SORCS3: variants seen among roughly 807,000 people sequenced by gnomAD.
SORCS3 encodes VPS10 domain-containing receptor SorCS3.
A neutral mutation model predicts 146.3 loss-of-function variants in SORCS3; 57 were observed. The ratio of observed to expected loss-of-function variants is 0.39; its 90% CI spans 0.31 to 0.49. SORCS3 has a LOEUF of 0.49. Ranked by LOEUF, SORCS3 falls within the 20% of genes least tolerant of loss-of-function variation. The probability of loss-of-function intolerance (pLI) is 0.92; values close to 1 mark genes in which losing one functional copy is unlikely to be tolerated. For synonymous variants in SORCS3, 653 were observed against 618.5 expected (o/e 1.06, Z -0.83); for missense variants, 1,341 against 1,575.5 (o/e 0.85, Z 2.52).
intron 1 of SORCS3, among the ~76,000 whole-genome samples, chr10:104,727,970 C>A (rs545355120): frequency 6.6e-6 from 1 of 152,080 alleles, no homozygotes; most frequent in African/African-American, 2.4e-5. Context: ...TCCACAAAAC[C>A]GGTCCCTGGT....
At chr10:105,021,686 C>G (rs980240493) in intron 4 of SORCS3, among the ~76,000 whole-genome samples, 1 of 152,152 alleles carries the variant, frequency 6.6e-6, no homozygotes, top group Non-Finnish European at 1.5e-5. Context: ...TAACATCCAT[C>G]TCTGTGGTTT....
At chr10:105,150,953 C>T (rs1341342898) in intron 9 of SORCS3, among the ~76,000 whole-genome samples, 1 of 152,146 alleles carries the variant, frequency 6.6e-6, no homozygotes, top group Non-Finnish European at 1.5e-5. Context: ...AGTAATGCAA[C>T]TGAGAAAAAC....
intron 3 of SORCS3, among the ~76,000 whole-genome samples, chr10:104,928,642 G>A (rs1185745474): frequency 6.6e-6 from 1 of 152,026 alleles, no homozygotes; most frequent in Non-Finnish European, 1.5e-5. Context: ...CTCAGCACTT[G>A]GTACACACTC....
At chr10:104,826,852 C>T (rs951219749) in intron 1 of SORCS3, among the ~76,000 whole-genome samples, 2 of 152,210 alleles carry the variant, frequency 1.3e-5, no homozygotes, top group African/African-American at 4.8e-5. Context: ...TCTTCTCAAG[C>T]CCTGCCACTG....
chr10:104,983,397 G>A (rs1436741672), intron 4 of SORCS3, among the ~76,000 whole-genome samples: 2 of 152,190 alleles, frequency 1.3e-5, no homozygotes, highest in Admixed American at 6.5e-5. Context: ...ACATTTATTA[G>A]AGGGAAAATC....
intron 3 of SORCS3, among the ~76,000 whole-genome samples, chr10:104,937,872 A>G (rs1246076177): frequency 6.6e-6 from 1 of 152,176 alleles, no homozygotes; most frequent in Non-Finnish European, 1.5e-5. Context: ...CTCCTCTGGC[A>G]GTGCATGTGT....
At chr10:104,982,936 G>T (rs993280686) in intron 4 of SORCS3, among the ~76,000 whole-genome samples, 6 of 152,140 alleles carry the variant, frequency 3.9e-5, no homozygotes, top group Non-Finnish European at 8.8e-5. Context: ...ACATTCATTC[G>T]AATGAACAAC....
chr10:105,169,523 G>A (rs2056342680), intron 13 of SORCS3, among the ~76,000 whole-genome samples: 1 of 152,044 alleles, frequency 6.6e-6, no homozygotes, highest in South Asian at 2.1e-4. Flanking sequence ...GGAGAGGTGA[G>A]AGGCAAGCCA....
chr10:104,994,026 T>A (rs1381488023), intron 4 of SORCS3, among the ~76,000 whole-genome samples: 2 of 152,190 alleles, frequency 1.3e-5, no homozygotes, highest in African/African-American at 4.8e-5. Context: ...GCAAAATCCA[T>A]CTGTTCCCTT....
intron 1 of SORCS3, among the ~76,000 whole-genome samples, chr10:104,771,673 G>C (rs2017251260): frequency 6.6e-6 from 1 of 152,080 alleles, no homozygotes; most frequent in Admixed American, 6.6e-5. Flanking sequence ...CTCAGATAGA[G>C]GGTGCAAAGT....
At chr10:104,722,656 G>T (rs190690624) in intron 1 of SORCS3, among the ~76,000 whole-genome samples, 3 of 152,094 alleles carry the variant, frequency 2.0e-5, no homozygotes, top group African/African-American at 4.8e-5. Context: ...CAATTTCAGA[G>T]CCTGTTATTG....
chr10:105,002,258 C>A (rs962761019), intron 4 of SORCS3, among the ~76,000 whole-genome samples: 1 of 152,132 alleles, frequency 6.6e-6, no homozygotes, highest in Non-Finnish European at 1.5e-5. Flanking sequence ...AAGAGATTCA[C>A]CCTGCTTCAT....
At chr10:105,192,277 A>G (rs963804132) in intron 14 of SORCS3, among the ~76,000 whole-genome samples, 5 of 152,042 alleles carry the variant, frequency 3.3e-5, no homozygotes, top group African/African-American at 9.7e-5. Flanking sequence ...ATCAAAACCT[A>G]CTACCTGTAT....
chr10:105,188,234 A>T (rs1166669606), intron 14 of SORCS3, among the ~76,000 whole-genome samples: 1 of 152,190 alleles, frequency 6.6e-6, no homozygotes, highest in Non-Finnish European at 1.5e-5. Context: ...TTATTTTCTT[A>T]TCTACAGATT....
intron 1 of SORCS3, among the ~76,000 whole-genome samples, chr10:104,751,571 C>T (rs1164930768): frequency 3.9e-5 from 6 of 152,126 alleles, no homozygotes; most frequent in Admixed American, 2.6e-4. Flanking sequence ...TTGCAAGGCA[C>T]GGTGAGTGAA....
intron 4 of SORCS3, among the ~76,000 whole-genome samples, chr10:104,987,356 T>A (rs956434422): frequency 2.0e-5 from 3 of 152,186 alleles, no homozygotes; most frequent in African/African-American, 7.2e-5. Flanking sequence ...CCAAATTTTT[T>A]ATTATTTCAT....
intron 9 of SORCS3, among the ~76,000 whole-genome samples, chr10:105,149,934 A>G (rs1350713751): frequency 6.6e-6 from 1 of 152,178 alleles, no homozygotes; most frequent in African/African-American, 2.4e-5. Context: ...TATTGAAGAA[A>G]AAAATGCATG....
chr10:105,166,660 C>T (rs11192345), intron 12 of SORCS3, among the ~76,000 whole-genome samples: 11,623 of 152,050 alleles, frequency 0.076, 639 homozygotes, highest in Admixed American at 0.15. Flanking sequence ...GAATGAATAA[C>T]GTTAGGTCCC....
At chr10:105,121,343 G>T (rs1211989143) in intron 7 of SORCS3, among the ~76,000 whole-genome samples, 2 of 152,074 alleles carry the variant, frequency 1.3e-5, no homozygotes, top group Non-Finnish European at 2.9e-5. Context: ...CAATATGACA[G>T]ATATTATCTT....
Sources: gnomAD v4.1 joint callset for allele counts (sites outside exome capture counted in the v4.1 genomes callset) on GRCh38, gnomAD v4.1.1 for gene constraint, MANE v1.5 for transcripts, NCBI Gene and HGNC (gene_info 2026-07-23, HGNC 2026-07-21) for gene names.